The following ILRUN variants were observed in gnomAD, a reference collection of about 807,000 sequenced individuals.
ILRUN encodes inflammation and lipid regulator with UBA-like and NBR1-like domains, also known as protein ILRUN.
Under a neutral mutation model 33.8 loss-of-function variants are expected in ILRUN, and 3 were observed. The observed-to-expected ratio is 0.09, with a 90% CI of 0.04 to 0.23. ILRUN has a LOEUF of 0.23. Among genes scored for constraint, ILRUN ranks in the 10% least tolerant of loss-of-function variants. The probability of loss-of-function intolerance (pLI) is 1.00; values close to 1 mark genes in which losing one functional copy is unlikely to be tolerated. For missense variants in ILRUN, 210 were observed against 375.1 expected, an observed-to-expected ratio of 0.56 and a Z score of 3.64; for synonymous variants, 124 against 138.9, an observed-to-expected ratio of 0.89 and a Z score of 0.75.
At chr6:34,688,769 C>T (rs141687870) in intron 1 of ILRUN, among the ~76,000 whole-genome samples, 207 of 152,158 alleles carry the variant, frequency 1.4e-3, no homozygotes, top group African/African-American at 4.2e-3. Context: ...GCCGAGATCA[C>T]GCCACTGTAC....
chr6:34,671,296 G>C (rs964637965), intron 1 of ILRUN, among the ~76,000 whole-genome samples: 2 of 152,128 alleles, frequency 1.3e-5, no homozygotes, highest in Admixed American at 6.6e-5. Flanking sequence ...TGACGCGGGG[G>C]TATCAACTGA....
At chr6:34,635,526 T>C (rs2492862) in intron 3 of ILRUN, among the ~76,000 whole-genome samples, 35,205 of 133,470 alleles carry the variant, frequency 0.26, 4,379 homozygotes, top group East Asian at 0.35. Flanking sequence ...AGTGAGACCC[T>C]GTCTGAAAAA....
intron 3 of ILRUN, among the ~76,000 whole-genome samples, chr6:34,625,572 C>T (rs1321298495): frequency 1.3e-5 from 2 of 152,136 alleles, no homozygotes; most frequent in Non-Finnish European, 2.9e-5. Flanking sequence ...GGGTGCTAAT[C>T]TTCATCAAAA....
At chr6:34,602,861 G>A (rs1325428442) in intron 4 of ILRUN, among the ~76,000 whole-genome samples, 1 of 152,292 alleles carries the variant, frequency 6.6e-6, no homozygotes, top group African/African-American at 2.4e-5. Context: ...CCCCAGGGAC[G>A]GAGCACTGAG....
At chr6:34,648,921 C>T (rs1762608667) in intron 2 of ILRUN, among the ~76,000 whole-genome samples, 1 of 152,184 alleles carries the variant, frequency 6.6e-6, no homozygotes. Flanking sequence ...ACTTAGCTCT[C>T]CTAGGCACAA....
chr6:34,643,502 T>C (rs187451263), intron 3 of ILRUN, among the ~76,000 whole-genome samples: 97 of 152,248 alleles, frequency 6.4e-4, no homozygotes, highest in Middle Eastern at 3.4e-3. Flanking sequence ...TACCTTCTTT[T>C]TGTTTCCTAG....
At chr6:34,659,996 T>C (rs891007214) in intron 1 of ILRUN, among the ~76,000 whole-genome samples, 2 of 151,886 alleles carry the variant, frequency 1.3e-5, no homozygotes, top group Non-Finnish European at 1.5e-5. Context: ...AATATGGCAG[T>C]AGAAAACAGT....
intron 1 of ILRUN, among the ~76,000 whole-genome samples, chr6:34,692,996 T>C (rs1763677900): frequency 6.6e-6 from 1 of 152,096 alleles, no homozygotes; most frequent in Non-Finnish European, 1.5e-5. Context: ...GAGGATTGCT[T>C]GAATCTGGGA....
chr6:34,658,065 G>C (rs1020396798), intron 1 of ILRUN, among the ~76,000 whole-genome samples: 2 of 152,150 alleles, frequency 1.3e-5, no homozygotes, highest in Non-Finnish European at 2.9e-5. Context: ...GATGGATGCT[G>C]GTGCTGGATG....
chr6:34,659,176 A>G (rs1332224681), intron 1 of ILRUN, among the ~76,000 whole-genome samples: 1 of 152,214 alleles, frequency 6.6e-6, no homozygotes, highest in Non-Finnish European at 1.5e-5. Flanking sequence ...CACAGAGGCT[A>G]TGGGCCCAAA....
chr6:34,612,353 C>A (rs1465213710), intron 3 of ILRUN, among the ~76,000 whole-genome samples: 1 of 152,004 alleles, frequency 6.6e-6, no homozygotes, highest in East Asian at 1.9e-4. Flanking sequence ...ATAGCCTGAG[C>A]CTAGGAGGTC....
At chr6:34,687,401 A>G (rs1373055774) in intron 1 of ILRUN, among the ~76,000 whole-genome samples, 1 of 152,182 alleles carries the variant, frequency 6.6e-6, no homozygotes, top group African/African-American at 2.4e-5. Context: ...ATAGTTTTAA[A>G]AAGAAAAATA....
intron 1 of ILRUN, among the ~76,000 whole-genome samples, chr6:34,695,050 C>CAAAA (rs60744554): frequency 2.7e-5 from 3 of 110,760 alleles, no homozygotes; most frequent in Non-Finnish European, 3.5e-5. Flanking sequence ...GACTCCGTCT[C>CAAAA]AAAAAAAAAA....
In ILRUN at chr6:34,590,052, T is replaced by A. The variant is rs13192251; in HGVS notation, c.*513A>T. The A allele has an allele frequency of 6.7e-3, 1,045 of 156,742 alleles. 4 individuals are homozygous for A. Among genetic ancestry groups the A allele is most frequent in the Middle Eastern group, 0.017 (5 of 296 alleles). 9.7% of individuals were successfully genotyped at this position (156,742 alleles called of 1,614,324 possible). A position where few individuals can be genotyped will look rare whatever the true frequency, so the allele number is the denominator to read the frequency against. On this transcript the variant is annotated 3_prime_UTR_variant, in exon 5 of 5. Coordinates refer to ENST00000374023, the MANE Select transcript of ILRUN (RefSeq NM_024294.4). ...GGCAGATGTACTCCTGTAGCACTGA[T>A]CCGCAGAGTCCTCAAACATGCCACG...
intron 1 of ILRUN, among the ~76,000 whole-genome samples, chr6:34,655,495 T>G (rs952259015): frequency 1.3e-5 from 2 of 152,234 alleles, no homozygotes; most frequent in Non-Finnish European, 2.9e-5. Flanking sequence ...TGCCCTTTGC[T>G]TTATTCTCTT....
chr6:34,633,219 C>T (rs1218868236), intron 3 of ILRUN, among the ~76,000 whole-genome samples: 1 of 151,718 alleles, frequency 6.6e-6, no homozygotes, highest in South Asian at 2.1e-4. Flanking sequence ...GGGTAATTCA[C>T]CTAAAAGATA....
intron 4 of ILRUN, among the ~76,000 whole-genome samples, 181 bp downstream of exon 4, chr6:34,606,374 T>C (rs1032150176): frequency 6.6e-6 from 1 of 152,048 alleles, no homozygotes; most frequent in Admixed American, 6.5e-5. Context: ...GACATGAAGA[T>C]GGGGCTGGGG....
intron 3 of ILRUN, among the ~76,000 whole-genome samples, chr6:34,632,675 C>T (rs1762272132): frequency 7.8e-6 from 1 of 128,154 alleles, no homozygotes; most frequent in Admixed American, 7.5e-5. Context: ...ACTAACACAC[C>T]CGGCTAATTT....
intron 1 of ILRUN, among the ~76,000 whole-genome samples, chr6:34,683,088 T>G (rs116072038): frequency 0.014 from 2,135 of 151,556 alleles, 22 homozygotes; most frequent in Non-Finnish European, 0.022. Flanking sequence ...ACGTTGCCTA[T>G]AAAAACCTAC....
Sources: gnomAD v4.1 joint callset for allele counts (sites outside exome capture counted in the v4.1 genomes callset) on GRCh38, gnomAD v4.1.1 for gene constraint, MANE v1.5 for transcripts, NCBI Gene and HGNC (gene_info 2026-07-23, HGNC 2026-07-21) for gene names.